The following CECR2 variants were observed in gnomAD, a reference collection of about 807,000 sequenced individuals.
The protein encoded by CECR2 is CECR2 histone acetyl-lysine reader.
Under a neutral mutation model 154.5 loss-of-function variants are expected in CECR2, and 30 were observed. That is an observed-to-expected ratio of 0.19 (90% CI 0.15 to 0.26). The LOEUF is 0.26. Among genes scored for constraint, CECR2 ranks in the 10% least tolerant of loss-of-function variants. The pLI, the probability that CECR2 is intolerant of heterozygous loss-of-function variation, is 1.00. For synonymous variants in CECR2, 725 were observed against 683.7 expected (o/e 1.06, Z -0.94); for missense variants, 1,743 against 1,829.3 (o/e 0.95, Z 0.86).
intron 1 of CECR2, among the ~76,000 whole-genome samples, chr22:17,405,572 A>T (rs2053970682): frequency 6.8e-6 from 1 of 146,320 alleles, no homozygotes; most frequent in Non-Finnish European, 1.5e-5. Context: ...CCTAGGAGGC[A>T]GAGGTTGCAG....
In CECR2 at chr22:17,548,142, T is replaced by TTTTA; in HGVS notation, c.2861-5_2861-4insTTAT. ...TTTTTTCTCCTCTTTTTTTTTTTTTTTGCAGCAGAGCCGTTGCCTGGCCTT... is the reference window on the plus strand; with the variant it reads ...TTTTTTCTCCTCTTTTTTTTTTTTTTTTTATGCAGCAGAGCCGTTGCCTGGCCTT... On this transcript the variant is annotated splice_region_variant and splice_polypyrimidine_tract_variant and intron_variant, in intron 16 of 18. Coordinates refer to ENST00000262608, the MANE Select transcript of CECR2 (RefSeq NM_001290047.2). 1 of 1,498,610 alleles carries TTTTA rather than the reference T, an allele frequency of 6.7e-7. No individual in the cohort carries two copies. The highest frequency in any genetic ancestry group is 8.9e-7 in the Non-Finnish European group (1 of 1,123,946). The allele number at this position is 1,498,610 out of a possible 1,614,324, so 92.8% of individuals were successfully genotyped here.
intron 1 of CECR2, among the ~76,000 whole-genome samples, chr22:17,421,922 T>C (rs1446560037): frequency 6.6e-6 from 1 of 151,192 alleles, no homozygotes; most frequent in Non-Finnish European, 1.5e-5. Flanking sequence ...ATCTCCTCAA[T>C]TGTTGTTGCA....
chr22:17,459,291 T>A (rs1208136467), intron 1 of CECR2, among the ~76,000 whole-genome samples: 3 of 152,154 alleles, frequency 2.0e-5, no homozygotes, highest in Admixed American at 1.3e-4. Flanking sequence ...TTTCTTCCTC[T>A]TTTCCTTTGC....
intron 9 of CECR2, chr22:17,524,786 C>T (rs11089184): frequency 0.28 from 79,487 of 287,928 alleles, 12,333 homozygotes; most frequent in African/African-American, 0.41. Context: ...CAACCTCTGC[C>T]TCAGCCTCCC....
chr22:17,513,742 T>C (rs887848410), intron 8 of CECR2, among the ~76,000 whole-genome samples: 5 of 152,210 alleles, frequency 3.3e-5, no homozygotes, highest in Non-Finnish European at 7.3e-5. Flanking sequence ...CTCTCTCTGC[T>C]GTCTTTATTA....
intron 8 of CECR2, chr22:17,518,781 T>C (rs1311358363): frequency 1.2e-5 from 4 of 346,240 alleles, no homozygotes; most frequent in South Asian, 5.6e-5. Flanking sequence ...TCATATTCTT[T>C]TGCAGAGCCA....
At chr22:17,443,879 A>G (rs2054619214) in intron 1 of CECR2, among the ~76,000 whole-genome samples, 1 of 152,142 alleles carries the variant, frequency 6.6e-6, no homozygotes, top group African/African-American at 2.4e-5. Flanking sequence ...CTGGGAAAAC[A>G]TTTTGAAATG....
chr22:17,446,903 G>T (rs551637248), intron 1 of CECR2, among the ~76,000 whole-genome samples: 2 of 150,248 alleles, frequency 1.3e-5, no homozygotes, highest in East Asian at 4.0e-4. Flanking sequence ...TTTACAGAGC[G>T]CTGATTGGTC....
chr22:17,543,477 CCTT>C (rs2056563620), intron 16 of CECR2, among the ~76,000 whole-genome samples: 1 of 152,012 alleles, frequency 6.6e-6, no homozygotes, highest in African/African-American at 2.4e-5. Flanking sequence ...CAATCACAGT[CCTT>C]CTCTTGGTCC....
At chr22:17,437,343 G>A (rs550528779) in intron 1 of CECR2, among the ~76,000 whole-genome samples, 25 of 151,960 alleles carry the variant, frequency 1.6e-4, no homozygotes, top group African/African-American at 6.0e-4. Flanking sequence ...AGTTTGTTTC[G>A]TCCCTTTGTT....
At chr22:17,476,015 G>A (rs568553219) in intron 1 of CECR2, among the ~76,000 whole-genome samples, 54 of 146,102 alleles carry the variant, frequency 3.7e-4, no homozygotes, top group Non-Finnish European at 6.8e-4. Flanking sequence ...CCGAAGAAAG[G>A]CCAAACTCAT....
intron 1 of CECR2, among the ~76,000 whole-genome samples, chr22:17,460,028 C>T (rs1299667400): frequency 6.6e-6 from 1 of 152,120 alleles, no homozygotes; most frequent in Non-Finnish European, 1.5e-5. Context: ...CTTCCTTTCT[C>T]CAGCTTTCTG....
chr22:17,542,996 T>C lies in CECR2; in HGVS notation c.2853T>C (p.Asn951=). 2 of 1,603,590 alleles carry C rather than the reference T, an allele frequency of 1.2e-6. No individual in the cohort carries two copies. The highest frequency in any genetic ancestry group is 1.7e-6 in the Non-Finnish European group (2 of 1,174,416). ...ACAGTGAAGCACAAGAGCCTGAGAA[T>C]GACCAAGGTAATTTACACTGTCACT... The part of the protein sequence containing the change: ...PENSEAQEPE[N]DQAEPLPGLE... Residue 951 remains asparagine (N), a synonymous_variant, in exon 16 of 19, where the codon AAT becomes AAC. Transcript: ENST00000262608.
chr22:17,550,669 G>A (rs565931780), intron 17 of CECR2, among the ~76,000 whole-genome samples: 7 of 152,324 alleles, frequency 4.6e-5, no homozygotes, highest in East Asian at 1.9e-4. Flanking sequence ...GCGGCCAGGC[G>A]CGGTGGCTCA....
At chr22:17,507,517 T>C (rs931455454) in intron 7 of CECR2, among the ~76,000 whole-genome samples, 3 of 152,214 alleles carry the variant, frequency 2.0e-5, no homozygotes, top group Non-Finnish European at 4.4e-5. Flanking sequence ...TCTGGAAATA[T>C]ACCCAGTCAC....
intron 7 of CECR2, among the ~76,000 whole-genome samples, chr22:17,510,641 G>A (rs979189371): frequency 2.6e-5 from 4 of 151,848 alleles, no homozygotes; most frequent in East Asian, 1.9e-4. Flanking sequence ...TCGCTCTGTC[G>A]CCCAGGCTGG....
intron 1 of CECR2, among the ~76,000 whole-genome samples, chr22:17,399,033 C>G (rs1341702650): frequency 4.6e-5 from 7 of 152,122 alleles, no homozygotes; most frequent in Non-Finnish European, 7.4e-5. Context: ...TACCCTGGAT[C>G]TGTCTACTCA....
chr22:17,519,610 T>C (rs974557128), intron 8 of CECR2, among the ~76,000 whole-genome samples: 1 of 152,138 alleles, frequency 6.6e-6, no homozygotes, highest in Non-Finnish European at 1.5e-5. Context: ...TTCCATTTGT[T>C]TGAGGGGAGC....
At chr22:17,445,385 G>A (rs938582505) in intron 1 of CECR2, among the ~76,000 whole-genome samples, 2 of 152,002 alleles carry the variant, frequency 1.3e-5, no homozygotes, top group Non-Finnish European at 2.9e-5. Flanking sequence ...CAGTTTAATT[G>A]GTTCAAGAGC....
Sources: allele counts gnomAD v4.1 joint callset (sites outside exome capture counted in the v4.1 genomes callset), GRCh38; gene constraint gnomAD v4.1.1; transcripts MANE v1.5; gene names NCBI Gene and HGNC (gene_info 2026-07-23, HGNC 2026-07-21).